PLCB1: variants seen among roughly 807,000 people sequenced by gnomAD.
The protein encoded by PLCB1 is 1-phosphatidylinositol 4,5-bisphosphate phosphodiesterase beta-1.
Under a neutral mutation model 161.8 loss-of-function variants are expected in PLCB1, and 46 were observed. That is an observed-to-expected ratio of 0.28 (90% CI 0.22 to 0.36). PLCB1 has a LOEUF of 0.36. PLCB1 is among the 10% of genes least tolerant of loss of function. The pLI, the probability that PLCB1 is intolerant of heterozygous loss-of-function variation, is 1.00. For synonymous variants in PLCB1, 517 were observed against 503.7 expected, an observed-to-expected ratio of 1.03 and a Z score of -0.35; for missense variants, 1,016 against 1,472.5, an observed-to-expected ratio of 0.69 and a Z score of 5.07.
intron 4 of PLCB1, among the ~76,000 whole-genome samples, chr20:8,643,014 TTAGA>T (rs1330856796): frequency 6.6e-6 from 1 of 152,240 alleles, no homozygotes; most frequent in Admixed American, 6.5e-5. Context: ...TTTTAATTTG[TTAGA>T]TAGTTACTGT....
intron 3 of PLCB1, among the ~76,000 whole-genome samples, chr20:8,457,227 G>A (rs1279142371): frequency 6.6e-6 from 1 of 152,148 alleles, no homozygotes; most frequent in Non-Finnish European, 1.5e-5. Flanking sequence ...CTGGGACATG[G>A]TGCATACAAA....
At chr20:8,251,232 C>T (rs1981123291) in intron 2 of PLCB1, among the ~76,000 whole-genome samples, 1 of 151,932 alleles carries the variant, frequency 6.6e-6, no homozygotes, top group Non-Finnish European at 1.5e-5. Flanking sequence ...CCCAAAGGCC[C>T]TACCTCTTAA....
At chr20:8,454,943 AC>A (rs1303218820) in intron 3 of PLCB1, among the ~76,000 whole-genome samples, 2 of 152,146 alleles carry the variant, frequency 1.3e-5, no homozygotes, top group African/African-American at 4.8e-5. Flanking sequence ...GGTCTGGTAT[AC>A]AACAGGTGAT....
intron 31 of PLCB1, among the ~76,000 whole-genome samples, chr20:8,834,663 A>G (rs1207782918): frequency 6.6e-6 from 1 of 151,916 alleles, no homozygotes; most frequent in Non-Finnish European, 1.5e-5. Context: ...AAAAATACAA[A>G]AATTAGCTGG....
intron 1 of PLCB1, among the ~76,000 whole-genome samples, chr20:8,145,493 G>A (rs1371606423): frequency 6.6e-6 from 1 of 152,218 alleles, no homozygotes; most frequent in Non-Finnish European, 1.5e-5. Flanking sequence ...TCAGAGGGTA[G>A]CAACATGACA....
intron 2 of PLCB1, among the ~76,000 whole-genome samples, chr20:8,322,701 C>T (rs1984973797): frequency 6.6e-6 from 1 of 152,142 alleles, no homozygotes; most frequent in South Asian, 2.1e-4. Flanking sequence ...CTACAGAAAG[C>T]ATTTCTCAGA....
At chr20:8,741,283 G>A (rs1279265365) in intron 22 of PLCB1, among the ~76,000 whole-genome samples, 181 bp from the exon 23 acceptor site, 2 of 152,208 alleles carry the variant, frequency 1.3e-5, no homozygotes, top group African/African-American at 2.4e-5. Flanking sequence ...ATAGTTATAT[G>A]GGTAGACAGA....
intron 3 of PLCB1, among the ~76,000 whole-genome samples, chr20:8,445,590 A>G (rs1980786713): frequency 6.6e-6 from 1 of 152,096 alleles, no homozygotes; most frequent in Non-Finnish European, 1.5e-5. Context: ...GAAGAAAGTC[A>G]TTGGTAGCTT....
chr20:8,184,430 CCTCT>C (rs1380545500), intron 2 of PLCB1, among the ~76,000 whole-genome samples: 3 of 152,074 alleles, frequency 2.0e-5, no homozygotes. Context: ...TTTCCTTTAA[CCTCT>C]CTAATTTTGT....
chr20:8,370,529 C>T (rs1259882235), intron 2 of PLCB1, among the ~76,000 whole-genome samples: 1 of 152,194 alleles, frequency 6.6e-6, no homozygotes, highest in Non-Finnish European at 1.5e-5. Context: ...AGGCCACGAA[C>T]ACCTCAAGGT....
chr20:8,547,223 C>G (rs1985583534), intron 3 of PLCB1, among the ~76,000 whole-genome samples: 1 of 152,202 alleles, frequency 6.6e-6, no homozygotes, highest in East Asian at 1.9e-4. Context: ...AGTCTGTCAT[C>G]TTACGGCTCG....
chr20:8,513,597 T>TC, intron 3 of PLCB1, among the ~76,000 whole-genome samples: 1 of 152,046 alleles, frequency 6.6e-6, no homozygotes, highest in Non-Finnish European at 1.5e-5. Flanking sequence ...AAGAATTCTG[T>TC]CCCCCCTGCC....
chr20:8,278,124 T>C (rs1290914981), intron 2 of PLCB1, among the ~76,000 whole-genome samples: 1 of 151,768 alleles, frequency 6.6e-6, no homozygotes, highest in Non-Finnish European at 1.5e-5. Flanking sequence ...TATACAGCTA[T>C]ACAAAAGAAT....
chr20:8,417,450 T>G (rs1254080219), intron 3 of PLCB1, among the ~76,000 whole-genome samples: 2 of 79,556 alleles, frequency 2.5e-5, no homozygotes, highest in Middle Eastern at 6.6e-3. Flanking sequence ...TAATTCAGGG[T>G]TTTTTTTTTT....
intron 9 of PLCB1, among the ~76,000 whole-genome samples, chr20:8,663,505 T>C (rs1374528253): frequency 1.3e-5 from 2 of 152,020 alleles, no homozygotes; most frequent in African/African-American, 4.8e-5. Flanking sequence ...GAAGAGACAA[T>C]AGACTTTGAT....
intron 3 of PLCB1, among the ~76,000 whole-genome samples, chr20:8,490,861 CAT>C (rs111442214): frequency 0.031 from 4,392 of 141,650 alleles, 109 homozygotes; most frequent in African/African-American, 0.056. Context: ...TATATATAGG[CAT>C]ATATATATAT....
intron 2 of PLCB1, among the ~76,000 whole-genome samples, chr20:8,326,911 G>C (rs1390792645): frequency 6.6e-6 from 1 of 152,084 alleles, no homozygotes; most frequent in Non-Finnish European, 1.5e-5. Context: ...TTTGAGACAG[G>C]GTCTTGCTCT....
At chr20:8,470,539 A>G (rs758849782) in intron 3 of PLCB1, among the ~76,000 whole-genome samples, 1 of 152,036 alleles carries the variant, frequency 6.6e-6, no homozygotes, top group Non-Finnish European at 1.5e-5. Flanking sequence ...GCATTTGCTT[A>G]CTTTGTTTTC....
intron 4 of PLCB1, among the ~76,000 whole-genome samples, chr20:8,629,175 A>T (rs1490342030): frequency 6.6e-6 from 1 of 152,090 alleles, no homozygotes; most frequent in African/African-American, 2.4e-5. Flanking sequence ...ACCATAATCC[A>T]TGTAGTAGTT....
Sources: allele counts gnomAD v4.1 joint callset (sites outside exome capture counted in the v4.1 genomes callset), GRCh38; gene constraint gnomAD v4.1.1; transcripts MANE v1.5; gene names NCBI Gene and HGNC (gene_info 2026-07-23, HGNC 2026-07-21).